Variants in MYO18B observed in about 807,000 individuals in gnomAD.
MYO18B encodes the protein unconventional myosin-XVIIIb.
A neutral mutation model predicts 273.0 loss-of-function variants in MYO18B; 204 were observed. The observed-to-expected ratio is 0.75, with a 90% confidence interval of 0.67 to 0.84. The LOEUF (loss-of-function observed/expected upper bound fraction) is 0.84. Among genes scored for constraint, MYO18B ranks in the 40% least tolerant of loss-of-function variants. The pLI, the probability that MYO18B is intolerant of heterozygous loss-of-function variation, is 0.00. For missense variants in MYO18B, 3,212 were observed against 3,287.6 expected (o/e 0.98, Z 0.56); for synonymous variants, 1,330 against 1,305.7 (o/e 1.02, Z -0.40).
At chr22:25,873,516 C>G (rs1410555229) in intron 22 of MYO18B, among the ~76,000 whole-genome samples, 1 of 152,192 alleles carries the variant, frequency 6.6e-6, no homozygotes, top group African/African-American at 2.4e-5. Context: ...TCTTGGCTCA[C>G]CACAACTTCT....
At position 25,769,990 on chromosome 22, in the gene MYO18B, C is replaced by T. The variant is rs904079747; in HGVS notation, c.1513-120C>T. The T allele has an allele frequency of 1.1e-5, 11 of 1,012,358 alleles. No individual in the cohort carries two copies. The African/African-American group carries it at 1.3e-4, about 12-fold the overall frequency. 62.7% of individuals were successfully genotyped at this position (1,012,358 alleles called of 1,614,324 possible). ...AAATAAGCACACTCCCTCTCCTGTT[C>T]TCCCCCAGGAGATTCTGGTTTAGAT... On this transcript the variant is annotated intron_variant, in intron 4 of 43. Coordinates refer to ENST00000335473, the MANE Select transcript of MYO18B (RefSeq NM_032608.7).
At chr22:25,976,161 T>C (rs945624583) in intron 39 of MYO18B, among the ~76,000 whole-genome samples, 4 of 152,092 alleles carry the variant, frequency 2.6e-5, no homozygotes, top group African/African-American at 9.7e-5. Flanking sequence ...TGCTAAGCAT[T>C]CTGAAATGTA....
chr22:25,921,915 A>G (rs1045050554), intron 34 of MYO18B, among the ~76,000 whole-genome samples: 3 of 152,060 alleles, frequency 2.0e-5, no homozygotes, highest in Admixed American at 1.3e-4. Context: ...CCAGTCATGC[A>G]AAACCAATGC....
rs780825944 is a variant in MYO18B, at chr22:25,768,777, A to G, written c.861A>G (p.Ala287=). Reference sequence around the variant, plus strand: ...CAGGGAAAGCAGAGAAGGAGGGAGCAGAGCCCACAAACACGGTGGAAAAGG... The same window carrying G: ...CAGGGAAAGCAGAGAAGGAGGGAGCGGAGCCCACAAACACGGTGGAAAAGG... ...VRPGKAEKEG[A]EPTNTVEKGN... is the part of the protein sequence containing the mutation. Residue 287 remains alanine, a synonymous_variant, in exon 4 of 44, where the codon GCA becomes GCG. Coordinates refer to ENST00000335473, the MANE Select transcript of MYO18B (RefSeq NM_032608.7). 1 of 1,608,894 alleles carries G rather than the reference A, an allele frequency of 6.2e-7. No individual in the cohort carries two copies. The highest frequency in any genetic ancestry group is 8.5e-7 in the Non-Finnish European group (1 of 1,177,552).
rs2091992332 is a variant in MYO18B at position 25,904,124 on chromosome 22, C to G, written c.5148+293C>G. Among the ~76,000 whole-genome samples, 3 of 152,198 alleles carry G rather than the reference C, an allele frequency of 2.0e-5. 1 individual carries two copies. The South Asian group carries it at 6.2e-4, about 32-fold the overall frequency. On this transcript the variant is annotated intron_variant, in intron 31 of 43. Transcript: ENST00000335473. Reference sequence around the variant, plus strand: ...CTCCTTAGCTGGGTTGCTTTACTCTCTGGTACCTGCCATCGTATTAGATAG... The same window carrying G: ...CTCCTTAGCTGGGTTGCTTTACTCTGTGGTACCTGCCATCGTATTAGATAG...
intron 25 of MYO18B, among the ~76,000 whole-genome samples, chr22:25,880,766 A>T (rs2091311771): frequency 6.6e-6 from 1 of 152,256 alleles, no homozygotes; most frequent in Non-Finnish European, 1.5e-5. Context: ...TGCTACGGAT[A>T]TGAAGCAGAA....
chr22:25,939,130 T>G (rs925824216), intron 34 of MYO18B, among the ~76,000 whole-genome samples: 5 of 152,262 alleles, frequency 3.3e-5, no homozygotes, highest in African/African-American at 1.2e-4. Context: ...CAATGTCTTT[T>G]GAGTGTTTAT....
rs989403444 is a variant in MYO18B, at chr22:25,812,869, A to G, written c.2522-10636A>G. Among the ~76,000 whole-genome samples the G allele has an allele frequency of 8.5e-5, 13 of 152,160 alleles. No homozygotes were observed. The East Asian group carries it at 1.2e-3, about 14-fold the overall frequency. Reference sequence around the variant, plus strand: ...GAAGAGACTTTCTCAGGGTCACCCAATGAGGCTACAGGGGACTCGAATCAT... The same window carrying G: ...GAAGAGACTTTCTCAGGGTCACCCAGTGAGGCTACAGGGGACTCGAATCAT... On this transcript the variant is annotated intron_variant, in intron 12 of 43. Transcript: ENST00000335473.
rs371371031 is a variant in MYO18B, at chr22:25,757,619, G to A, written c.-109-3365G>A. On this transcript the variant is annotated intron_variant, in intron 1 of 43. Transcript: ENST00000335473. ...AAAAAGCCAACAAAAAAATAAAACTGCTGGTCAGTGGTTACTCTGGCAGCT... is the reference window on the plus strand; with the variant it reads ...AAAAAGCCAACAAAAAAATAAAACTACTGGTCAGTGGTTACTCTGGCAGCT... Among the ~76,000 whole-genome samples, 8 of 151,856 alleles carry A rather than the reference G, an allele frequency of 5.3e-5. No individual in the cohort carries two copies. In the South Asian group the frequency reaches 6.3e-4, roughly 12 times the overall value.
chr22:25,805,555 C>T (rs897145557), intron 12 of MYO18B, among the ~76,000 whole-genome samples: 2 of 152,158 alleles, frequency 1.3e-5, no homozygotes, highest in Non-Finnish European at 2.9e-5. Flanking sequence ...CAGCTAGTCT[C>T]CTGGCTTCCC....
the MYO18B span, among the ~76,000 whole-genome samples, chr22:26,054,510 A>T: frequency 0.022 from 3,393 of 152,284 alleles, 124 homozygotes; most frequent in African/African-American, 0.077. Context: ...GCTGTGTTGA[A>T]CCTGGGATCA....
chr22:25,765,011 C>T (rs1296034665), intron 3 of MYO18B, among the ~76,000 whole-genome samples: 1 of 152,082 alleles, frequency 6.6e-6, no homozygotes. Context: ...AGTGAGGTGG[C>T]CGGGGTGGTG....
At chr22:25,867,910 C>T (rs913770654) in intron 21 of MYO18B, among the ~76,000 whole-genome samples, 6 of 152,166 alleles carry the variant, frequency 3.9e-5, no homozygotes, top group Non-Finnish European at 8.8e-5. Context: ...AGATAACAGC[C>T]GTGAGCCACC....
chr22:25,847,936 AACACACACACATAC>A (rs1370300800), intron 20 of MYO18B, among the ~76,000 whole-genome samples: 3 of 123,358 alleles, frequency 2.4e-5, no homozygotes, highest in Non-Finnish European at 5.0e-5. Context: ...TTCTTCTGAA[AACACACACACATAC>A]ACACACACAC....
intron 36 of MYO18B, among the ~76,000 whole-genome samples, chr22:25,948,421 TC>T (rs1181645781): frequency 1.8e-5 from 2 of 110,482 alleles, no homozygotes; most frequent in Middle Eastern, 4.1e-3. Flanking sequence ...CTTCCTTCCT[TC>T]CTTCCTTCCT....
At chr22:25,760,549 A>C (rs133875) in intron 1 of MYO18B, among the ~76,000 whole-genome samples, 52,308 of 151,668 alleles carry the variant, frequency 0.34, 10,816 homozygotes, top group East Asian at 0.71. Flanking sequence ...TTTCCTAAGC[A>C]CCAGAAGGTT....
intron 21 of MYO18B, among the ~76,000 whole-genome samples, chr22:25,866,401 C>T (rs555057293): frequency 2.6e-5 from 4 of 152,202 alleles, no homozygotes; most frequent in East Asian, 1.9e-4. Context: ...CATTAAATGG[C>T]GATTAGTCCA....
chr22:25,767,821 G>A, intron 3 of MYO18B, among the ~76,000 whole-genome samples: 1 of 151,964 alleles, frequency 6.6e-6, no homozygotes, highest in East Asian at 1.9e-4. Context: ...ACTCAGAGAG[G>A]AGAAGTCATT....
the MYO18B span, among the ~76,000 whole-genome samples, chr22:26,049,471 C>T: frequency 5.9e-5 from 9 of 152,166 alleles, no homozygotes; most frequent in African/African-American, 1.9e-4. Flanking sequence ...TTGGGGAGTA[C>T]AGTAAGTTTA....
Sources: gnomAD v4.1 joint callset for allele counts (sites outside exome capture counted in the v4.1 genomes callset) on GRCh38, gnomAD v4.1.1 for gene constraint, MANE v1.5 for transcripts, NCBI Gene and HGNC (gene_info 2026-07-23, HGNC 2026-07-21) for gene names.